PICALM: variants seen among roughly 807,000 people sequenced by gnomAD.
PICALM encodes the protein phosphatidylinositol binding clathrin assembly protein, also known as phosphatidylinositol-binding clathrin assembly protein.
A neutral mutation model predicts 80.5 loss-of-function variants in PICALM; 40 were observed. The ratio of observed to expected loss-of-function variants is 0.50; its 90% confidence interval spans 0.39 to 0.65. PICALM has a LOEUF of 0.65. Ranked by LOEUF, PICALM falls within the 30% of genes least tolerant of loss-of-function variation. The pLI is 0.00. For missense variants in PICALM, 676 were observed against 778.9 expected (o/e 0.87, Z 1.57); for synonymous variants, 288 against 260.3 (o/e 1.11, Z -1.02).
At chr11:85,981,636 T>C in intron 16 of PICALM, 109 bp downstream of exon 16, 1 of 754,514 alleles carries the variant, frequency 1.3e-6, no homozygotes, top group Non-Finnish European at 2.2e-6. Context: ...GCAGACTTGA[T>C]ATCTCTACAC....
Position 85,978,007 on chromosome 11 carries a change from T to C in PICALM, c.1780-1325A>G, listed in dbSNP as rs566864027. On this transcript the variant is annotated intron_variant, in intron 17 of 19. Transcript: ENST00000393346. ...TAATAGCTGAAAGGTTATGAGATTC[T>C]GCTACAGCAGTGGTTAATAGCATGC... The C allele has an allele frequency of 5.3e-5, 64 of 1,207,498 alleles. No individual in the cohort carries two copies. The African/African-American group carries it at 9.4e-4, about 18-fold the overall frequency. 74.8% of individuals were successfully genotyped at this position (1,207,498 alleles called of 1,614,324 possible).
Position 85,990,285 on chromosome 11 carries a change from A to G in PICALM, c.1373T>C (p.Phe458Ser). The change falls in exon 13 of 20, where the codon TTT (phenylalanine) becomes TCT (serine). Residue 458 changes from phenylalanine (F) to serine (S), a missense_variant. Physicochemically the swap from Phe to Ser is radical, Grantham distance 155. Transcript: ENST00000393346. ...HLSISSDVST[F>S]TTRTPTHEMF... Reference sequence around the variant, plus strand: ...TTCATGAGTAGGTGTCCTAGTAGTAAAAGTAGATACATCTGAAGAAATGGA... The same window carrying G: ...TTCATGAGTAGGTGTCCTAGTAGTAGAAGTAGATACATCTGAAGAAATGGA... 4 of 1,606,918 alleles carry G rather than the reference A, an allele frequency of 2.5e-6. No individual in the cohort carries two copies. The highest frequency in any genetic ancestry group is 2.2e-5 in the East Asian group (1 of 44,766).
At chr11:86,022,976 T>C (rs1037545226) in intron 3 of PICALM, among the ~76,000 whole-genome samples, 1 of 152,182 alleles carries the variant, frequency 6.6e-6, no homozygotes, top group Admixed American at 6.5e-5. Context: ...ACATGCAAGT[T>C]CAGGGTGTAA....
Position 86,012,287 on chromosome 11 carries a change from A to T in PICALM, c.652T>A (p.Leu218Met). Residue 218 changes from leucine (L) to methionine (M), a missense_variant, in exon 6 of 20, where the codon TTG becomes ATG. Leu to Met is a conservative substitution (Grantham distance 15). Transcript: ENST00000393346. ...AGGCTACAGCAGTATTTACCCAACAAATTAATAATTCCTTCATTGTATGCT... is the reference window on the plus strand; with the variant it reads ...AGGCTACAGCAGTATTTACCCAACATATTAATAATTCCTTCATTGTATGCT... ...FAAYNEGIIN[L>M]LEKYFDMKKN... is the part of the protein sequence containing the mutation. The T allele has an allele frequency of 6.4e-7, 1 of 1,565,434 alleles. No homozygotes were observed. The highest frequency in any genetic ancestry group is 8.8e-7 in the Non-Finnish European group (1 of 1,137,882).
At chr11:85,985,035 A>G (rs143087894) in intron 13 of PICALM, among the ~76,000 whole-genome samples, 1,691 of 152,300 alleles carry the variant, frequency 0.011, 35 homozygotes, top group African/African-American at 0.038. Context: ...CTACTAAGTC[A>G]GAATATAAAA....
At chr11:86,037,808 T>C (rs2095869904) in intron 1 of PICALM, among the ~76,000 whole-genome samples, 1 of 152,146 alleles carries the variant, frequency 6.6e-6, no homozygotes, top group Non-Finnish European at 1.5e-5. Context: ...AGCAACTATG[T>C]CATATATGAA....
chr11:85,982,306 C>CT (rs1294617771), intron 14 of PICALM: 1 of 237,596 alleles, frequency 4.2e-6, no homozygotes, highest in Non-Finnish European at 8.4e-6. Flanking sequence ...AATTCTCCTG[C>CT]TAGCCCAGCA....
Position 86,022,477 on chromosome 11 carries a change from AAAAC to A in PICALM, c.350-12_350-9del. On this transcript the variant is annotated splice_polypyrimidine_tract_variant and intron_variant, in intron 3 of 19. Transcript: ENST00000393346. ...ATGTAGACATGTCATATCCTGTAAA[AAAAC>A]AAAAACAAAAACAAAACAAAGAGAG... The A allele has an allele frequency of 7.9e-7, 1 of 1,271,986 alleles. No individual in the cohort carries two copies. The highest frequency in any genetic ancestry group is 1.1e-6 in the Non-Finnish European group (1 of 927,942). 78.8% of individuals were successfully genotyped at this position (1,271,986 alleles called of 1,614,324 possible).
intron 8 of PICALM, 189 bp downstream of exon 8, chr11:86,007,353 T>C: frequency 2.8e-6 from 1 of 360,074 alleles, no homozygotes; most frequent in Non-Finnish European, 5.3e-6. Context: ...GCAACAAATA[T>C]AAGTGGTAAG....
chr11:85,972,985 T>C (rs2094157145), intron 19 of PICALM, among the ~76,000 whole-genome samples: 2 of 152,192 alleles, frequency 1.3e-5, no homozygotes, highest in South Asian at 2.1e-4. Flanking sequence ...TAAACACTCA[T>C]AGTCTATTTT....
In PICALM at chr11:86,068,968, G is replaced by A. The variant is rs961066186; in HGVS notation, c.-188C>T. The A allele has an allele frequency of 1.2e-5, 8 of 689,378 alleles. No individual in the cohort carries two copies. Among genetic ancestry groups the A allele is most frequent in the African/African-American group, 9.2e-5 (5 of 54,170 alleles). The allele number at this position is 689,378 out of a possible 1,614,324, so 42.7% of individuals were successfully genotyped here. A position where few individuals can be genotyped will look rare whatever the true frequency, so the allele number is the denominator to read the frequency against. ...CAGAGAGAACCGGCTCGTGTCACCC[G>A]CGGAGTCGGACAAGATGTCGGGCAC... On this transcript the variant is annotated 5_prime_UTR_variant, in exon 1 of 20. Transcript: ENST00000393346.
intron 1 of PICALM, among the ~76,000 whole-genome samples, chr11:86,037,315 A>T (rs1355247119): frequency 1.5e-5 from 2 of 130,214 alleles, no homozygotes; most frequent in African/African-American, 6.1e-5. Context: ...GCTGGAGTGC[A>T]GTGGTGTGAT....
intron 1 of PICALM, among the ~76,000 whole-genome samples, chr11:86,040,138 CTG>C (rs1363908579): frequency 6.6e-6 from 1 of 151,490 alleles, no homozygotes; most frequent in Non-Finnish European, 1.5e-5. Flanking sequence ...TGGTGATAGT[CTG>C]TGAAAAAATT....
chr11:86,046,773 G>A (rs1474398774), intron 1 of PICALM, among the ~76,000 whole-genome samples: 1 of 152,108 alleles, frequency 6.6e-6, no homozygotes, highest in Non-Finnish European at 1.5e-5. Context: ...GAGTAGCTGG[G>A]ACTACAGGTA....
intron 13 of PICALM, among the ~76,000 whole-genome samples, chr11:85,986,087 C>G (rs923240879): frequency 6.6e-6 from 1 of 151,836 alleles, no homozygotes; most frequent in Admixed American, 6.6e-5. Context: ...GAACTTGTAT[C>G]TCAAGTTTTA....
intron 2 of PICALM, among the ~76,000 whole-genome samples, chr11:86,028,036 C>T (rs1191371397): frequency 1.3e-5 from 2 of 152,110 alleles, no homozygotes; most frequent in East Asian, 1.9e-4. Flanking sequence ...TAAATAATTT[C>T]GTCTACCAGG....
intron 19 of PICALM, among the ~76,000 whole-genome samples, chr11:85,960,997 G>A (rs1247741353): frequency 2.1e-5 from 3 of 146,152 alleles, no homozygotes; most frequent in Non-Finnish European, 4.5e-5. Flanking sequence ...AAACAAACTC[G>A]TGCTTCTGAA....
At chr11:86,036,468 C>A (rs570043381) in intron 1 of PICALM, among the ~76,000 whole-genome samples, 1 of 152,108 alleles carries the variant, frequency 6.6e-6, no homozygotes, top group Non-Finnish European at 1.5e-5. Context: ...CTGACTTACA[C>A]CTTAAGAAAT....
chr11:85,999,646 T>C (rs371671907), intron 11 of PICALM, among the ~76,000 whole-genome samples: 2 of 152,312 alleles, frequency 1.3e-5, no homozygotes, highest in Non-Finnish European at 1.5e-5. Context: ...TGAGCATGCA[T>C]ACAGCAAGCA....
Sources: allele counts gnomAD v4.1 joint callset (sites outside exome capture counted in the v4.1 genomes callset), GRCh38; gene constraint gnomAD v4.1.1; transcripts MANE v1.5; gene names NCBI Gene and HGNC (gene_info 2026-07-23, HGNC 2026-07-21).